The following ZFAND3 variants were observed in gnomAD, a reference collection of about 807,000 sequenced individuals.
ZFAND3 encodes AN1-type zinc finger protein 3.
Under a neutral mutation model 29.6 loss-of-function variants are expected in ZFAND3, and 10 were observed. The observed-to-expected ratio is 0.34, with a 90% confidence interval of 0.21 to 0.57. The LOEUF is 0.57. Ranked by LOEUF, ZFAND3 falls within the 20% of genes least tolerant of loss-of-function variation. ZFAND3 has a pLI of 0.86. For missense variants in ZFAND3, 230 were observed against 304.5 expected (o/e 0.76, Z 1.82); for synonymous variants, 128 against 112.6 (o/e 1.14, Z -0.87).
chr6:37,834,136 G>A (rs903489840), intron 1 of ZFAND3, among the ~76,000 whole-genome samples: 5 of 152,076 alleles, frequency 3.3e-5, no homozygotes, highest in South Asian at 2.1e-4. Flanking sequence ...TTTCACTGCC[G>A]TAAAAACCCT....
chr6:38,135,282 C>CA (rs1374399293), intron 5 of ZFAND3, among the ~76,000 whole-genome samples: 2 of 151,982 alleles, frequency 1.3e-5, no homozygotes. Context: ...AGTTCAGAGG[C>CA]AAAAAAACTG....
At chr6:38,068,102 A>G (rs910022487) in intron 3 of ZFAND3, among the ~76,000 whole-genome samples, 3 of 152,304 alleles carry the variant, frequency 2.0e-5, no homozygotes, top group African/African-American at 7.2e-5. Flanking sequence ...ACAGTCTTCT[A>G]AGCTCTGTGG....
At chr6:38,020,612 CT>C (rs1410401272) in intron 2 of ZFAND3, among the ~76,000 whole-genome samples, 1 of 152,186 alleles carries the variant, frequency 6.6e-6, no homozygotes, top group East Asian at 1.9e-4. Context: ...AAAATTCTTC[CT>C]CCTTAAAGGG....
At chr6:37,821,823 C>T (rs1225308667) in intron 1 of ZFAND3, among the ~76,000 whole-genome samples, 2 of 152,108 alleles carry the variant, frequency 1.3e-5, no homozygotes, top group Non-Finnish European at 2.9e-5. Context: ...ATGGAATAGC[C>T]TTTTACCTTT....
chr6:37,961,776 A>C (rs1202953543), intron 2 of ZFAND3, among the ~76,000 whole-genome samples: 3 of 152,226 alleles, frequency 2.0e-5, no homozygotes, highest in African/African-American at 7.2e-5. Flanking sequence ...ACCTCTTAAG[A>C]GTCTGCAAGA....
At chr6:38,118,752 C>G (rs1020074075) in intron 5 of ZFAND3, among the ~76,000 whole-genome samples, 2 of 113,980 alleles carry the variant, frequency 1.8e-5, no homozygotes, top group African/African-American at 6.1e-5. Flanking sequence ...TTAGCATCCA[C>G]CTGAAAAAAA....
intron 2 of ZFAND3, chr6:38,002,881 A>G (rs945655859): frequency 2.6e-5 from 4 of 152,128 alleles, no homozygotes; most frequent in East Asian, 1.9e-4. Context: ...GGCCTTCCCT[A>G]TGCTAAGTTC....
chr6:37,916,387 C>T (rs561743756), intron 1 of ZFAND3, among the ~76,000 whole-genome samples: 9 of 152,138 alleles, frequency 5.9e-5, no homozygotes, highest in Admixed American at 3.9e-4. Context: ...CAGCCGGGCA[C>T]GGTGGCTCAT....
At chr6:37,991,151 T>G (rs896151807) in intron 2 of ZFAND3, among the ~76,000 whole-genome samples, 3 of 152,146 alleles carry the variant, frequency 2.0e-5, no homozygotes, top group African/African-American at 7.2e-5. Flanking sequence ...AAGGAATAAC[T>G]CCGCCTGATT....
chr6:37,932,758 G>A (rs1283781664), intron 2 of ZFAND3, among the ~76,000 whole-genome samples: 2 of 152,148 alleles, frequency 1.3e-5, no homozygotes, highest in East Asian at 3.9e-4. Context: ...TTTACTTTCT[G>A]TGTTTATAAT....
intron 4 of ZFAND3, among the ~76,000 whole-genome samples, chr6:38,114,447 C>A (rs1234801709): frequency 1.3e-5 from 2 of 152,214 alleles, no homozygotes; most frequent in Non-Finnish European, 2.9e-5. Flanking sequence ...CTTTGCTCAG[C>A]AGAGCTGGGA....
intron 5 of ZFAND3, among the ~76,000 whole-genome samples, chr6:38,131,706 A>G (rs1411097779): frequency 6.6e-6 from 1 of 152,220 alleles, no homozygotes; most frequent in Non-Finnish European, 1.5e-5. Flanking sequence ...GCAGGAGTAC[A>G]TGATGCTCTG....
intron 2 of ZFAND3, among the ~76,000 whole-genome samples, chr6:37,967,066 C>CTT (rs1762305842): frequency 6.6e-6 from 1 of 152,198 alleles, no homozygotes; most frequent in African/African-American, 2.4e-5. Flanking sequence ...GATGACCTCT[C>CTT]TAACTGCTTC....
chr6:37,880,668 A>G (rs1004887110), intron 1 of ZFAND3, among the ~76,000 whole-genome samples: 7 of 152,112 alleles, frequency 4.6e-5, no homozygotes, highest in African/African-American at 1.4e-4. Flanking sequence ...CATGAAGGAT[A>G]TATTTGATAA....
At chr6:38,120,175 A>T (rs935114515) in intron 5 of ZFAND3, among the ~76,000 whole-genome samples, 1 of 152,108 alleles carries the variant, frequency 6.6e-6, no homozygotes, top group Non-Finnish European at 1.5e-5. Context: ...GCTCATTGTC[A>T]TTGCAGGAGT....
chr6:38,061,749 A>G lies in ZFAND3; in HGVS notation c.269A>G (p.Asn90Ser). The part of the protein sequence containing the change: ...PSQQPLPTEL[N>S]VTSPSKEECG... ...CAGCAGCCGCTTCCGACAGAACTGA[A>G]TGTAACTTCACCGAGTAAAGAGGAG... The change falls in exon 3 of 6, where the codon AAT becomes AGT. Residue 90 changes from asparagine (N) to serine (S), a missense_variant. Asn to Ser is a conservative substitution (Grantham distance 46). Coordinates refer to ENST00000287218, the MANE Select transcript of ZFAND3 (RefSeq NM_021943.3). 4 of 1,614,148 alleles carry G rather than the reference A, an allele frequency of 2.5e-6. No individual in the cohort carries two copies. The highest frequency in any genetic ancestry group is 2.2e-5 in the South Asian group (2 of 91,070).
intron 2 of ZFAND3, among the ~76,000 whole-genome samples, chr6:37,956,183 G>A (rs1359361836): frequency 6.6e-6 from 1 of 152,150 alleles, no homozygotes; most frequent in Non-Finnish European, 1.5e-5. Context: ...AAATAATAGA[G>A]TTGAAGCTTA....
intron 2 of ZFAND3, among the ~76,000 whole-genome samples, chr6:38,038,111 A>G (rs1404701544): frequency 1.3e-5 from 2 of 152,224 alleles, no homozygotes; most frequent in African/African-American, 2.4e-5. Flanking sequence ...TGTGCGGCCC[A>G]GCAAGTCAGT....
intron 2 of ZFAND3, among the ~76,000 whole-genome samples, chr6:38,015,118 G>A (rs1056758054): frequency 1.3e-5 from 2 of 152,022 alleles, no homozygotes; most frequent in African/African-American, 4.8e-5. Flanking sequence ...ATTTAACATG[G>A]GATATTTACC....
Sources: allele counts gnomAD v4.1 joint callset (sites outside exome capture counted in the v4.1 genomes callset), GRCh38; gene constraint gnomAD v4.1.1; transcripts MANE v1.5; gene names NCBI Gene and HGNC (gene_info 2026-07-23, HGNC 2026-07-21).